The following CIMIP4 variants were observed in gnomAD, a reference collection of about 807,000 sequenced individuals.
CIMIP4 encodes protein EAN57.
chr22:37,002,047 C>T, the CIMIP4 span: 1 of 1,609,974 alleles, frequency 6.2e-7, no homozygotes. Context: ...CCGCATTCTT[C>T]AGGGACCTGG....
the CIMIP4 span, among the ~76,000 whole-genome samples, chr22:36,997,199 A>G: frequency 1.3e-5 from 2 of 152,254 alleles, no homozygotes; most frequent in African/African-American, 4.8e-5. Flanking sequence ...CCTACTTCAT[A>G]CTAAAAACAA....
the CIMIP4 span, among the ~76,000 whole-genome samples, chr22:36,998,474 A>G: frequency 6.6e-6 from 1 of 152,134 alleles, no homozygotes. Flanking sequence ...CTCATTTTGC[A>G]ATGAGGCCAA....
the CIMIP4 span, among the ~76,000 whole-genome samples, chr22:36,995,704 G>A: frequency 6.6e-6 from 1 of 152,130 alleles, no homozygotes; most frequent in Non-Finnish European, 1.5e-5. Context: ...GGCTTTATAA[G>A]GGGAAACTTC....
At chr22:37,001,600 G>T in the CIMIP4 span, among the ~76,000 whole-genome samples, 1 of 152,080 alleles carries the variant, frequency 6.6e-6, no homozygotes, top group Non-Finnish European at 1.5e-5. Context: ...CTAAGCCTCG[G>T]TCTCCTTATC....
chr22:36,999,719 C>T, the CIMIP4 span: 1 of 1,301,644 alleles, frequency 7.7e-7, no homozygotes, highest in Non-Finnish European at 1.0e-6. Context: ...AAATAAGTGT[C>T]CTTGAAGATG....
the CIMIP4 span, among the ~76,000 whole-genome samples, chr22:37,000,244 G>T: frequency 6.6e-6 from 1 of 152,122 alleles, no homozygotes; most frequent in Admixed American, 6.5e-5. Flanking sequence ...TTGAGCATCT[G>T]CTACCTGCAA....
At chr22:37,002,748 G>T in the CIMIP4 span, among the ~76,000 whole-genome samples, 1 of 152,222 alleles carries the variant, frequency 6.6e-6, no homozygotes, top group Non-Finnish European at 1.5e-5. Context: ...TGGCAGCAGC[G>T]GCACTGGCAG....
At chr22:36,994,852 G>A in the CIMIP4 span, among the ~76,000 whole-genome samples, 3 of 151,956 alleles carry the variant, frequency 2.0e-5, no homozygotes, top group Non-Finnish European at 4.4e-5. Context: ...GGATGGTCTC[G>A]ATCTCCTGAC....
chr22:36,994,777 C>A, the CIMIP4 span, among the ~76,000 whole-genome samples: 7 of 151,838 alleles, frequency 4.6e-5, no homozygotes, highest in Non-Finnish European at 1.0e-4. Flanking sequence ...ACTACAGGCG[C>A]CCGCCACCGC....
the CIMIP4 span, among the ~76,000 whole-genome samples, chr22:37,000,723 C>T: frequency 6.6e-6 from 1 of 152,184 alleles, no homozygotes; most frequent in East Asian, 1.9e-4. Context: ...TTCTTGATTC[C>T]AGCCAGGGAC....
At chr22:36,997,312 T>C in the CIMIP4 span, among the ~76,000 whole-genome samples, 1 of 151,980 alleles carries the variant, frequency 6.6e-6, no homozygotes, top group Non-Finnish European at 1.5e-5. Context: ...AGGATAGGAG[T>C]CCCTCAACCT....
At chr22:36,991,421 AAC>A in the CIMIP4 span, 3 of 1,584,192 alleles carry the variant, frequency 1.9e-6, no homozygotes, top group Admixed American at 3.3e-5. Flanking sequence ...CCTTAGAGCC[AAC>A]ACACCCTGCT....
At chr22:36,991,722 A>T in the CIMIP4 span, 1 of 758,002 alleles carries the variant, frequency 1.3e-6, no homozygotes, top group Non-Finnish European at 2.2e-6. Flanking sequence ...GAAGGGTTTC[A>T]AAGTAAAGTC....
chr22:37,007,037 G>A, the CIMIP4 span, among the ~76,000 whole-genome samples: 1 of 152,192 alleles, frequency 6.6e-6, no homozygotes, highest in Admixed American at 6.5e-5. Flanking sequence ...CATGTGAATG[G>A]GTTCCTTCTC....
At chr22:37,007,156 A>T in the CIMIP4 span, among the ~76,000 whole-genome samples, 1 of 152,138 alleles carries the variant, frequency 6.6e-6, no homozygotes, top group African/African-American at 2.4e-5. Context: ...TTCCCAACTC[A>T]CAGAAACTGT....
the CIMIP4 span, chr22:37,002,151 G>T: frequency 6.6e-7 from 1 of 1,526,358 alleles, no homozygotes; most frequent in South Asian, 1.3e-5. Context: ...GAGCTGCCTT[G>T]AGCGCTGGCT....
At chr22:36,999,860 A>T in the CIMIP4 span, 2 of 1,613,670 alleles carry the variant, frequency 1.2e-6, no homozygotes, top group Non-Finnish European at 1.7e-6. Flanking sequence ...GTTTGACCGC[A>T]TGTTGTAGCC....
the CIMIP4 span, among the ~76,000 whole-genome samples, chr22:36,994,732 G>A: frequency 6.7e-6 from 1 of 150,044 alleles, no homozygotes; most frequent in South Asian, 2.1e-4. Context: ...CCGGGTTCAC[G>A]CCATTCTCCT....
the CIMIP4 span, among the ~76,000 whole-genome samples, chr22:37,006,325 T>A: frequency 0.014 from 2,076 of 152,308 alleles, 53 homozygotes; most frequent in South Asian, 0.072. Flanking sequence ...TGGAGAATTA[T>A]CCCCAGGCCT....
Sources: gnomAD v4.1 joint callset for allele counts (sites outside exome capture counted in the v4.1 genomes callset) on GRCh38, gnomAD v4.1.1 for gene constraint, MANE v1.5 for transcripts, NCBI Gene and HGNC (gene_info 2026-07-23, HGNC 2026-07-21) for gene names.